The following MFHAS1 variants were observed in gnomAD, a reference collection of about 807,000 sequenced individuals.
The protein encoded by MFHAS1 is malignant fibrous histiocytoma-amplified sequence 1.
Under a neutral mutation model 70.4 loss-of-function variants are expected in MFHAS1, and 50 were observed. That is an observed-to-expected ratio of 0.71 (90% CI 0.57 to 0.90). The LOEUF (loss-of-function observed/expected upper bound fraction) is 0.90. Ranked by LOEUF, MFHAS1 falls within the 40% of genes least tolerant of loss-of-function variation. MFHAS1 has a pLI of 0.00. For missense variants in MFHAS1, 1,795 were observed against 1,347.6 expected (o/e 1.33, Z -5.20); for synonymous variants, 952 against 620.0 (o/e 1.54, Z -7.96).
At chr8:8,818,803 T>C (rs1806839173) in intron 1 of MFHAS1, among the ~76,000 whole-genome samples, 1 of 152,222 alleles carries the variant, frequency 6.6e-6, no homozygotes. Flanking sequence ...TCCTACTTCC[T>C]TCTCTAAAGT....
intron 1 of MFHAS1, among the ~76,000 whole-genome samples, chr8:8,847,799 G>T (rs1189275296): frequency 6.6e-6 from 1 of 152,140 alleles, no homozygotes; most frequent in Admixed American, 6.5e-5. Context: ...CAGACAGCAG[G>T]TGTTTAAAGT....
Position 8,785,737 on chromosome 8 carries a change from CTT to C in MFHAS1, c.*283_*284del, listed in dbSNP as rs36026181. The C allele has an allele frequency of 0.049, 11,126 of 229,038 alleles. 25 individuals are homozygous for C. Among genetic ancestry groups the C allele is most frequent in the East Asian group, 0.14 (1,618 of 11,918 alleles). 14.2% of individuals were successfully genotyped at this position (229,038 alleles called of 1,614,324 possible). A position where few individuals can be genotyped will look rare whatever the true frequency, so the allele number is the denominator to read the frequency against. On this transcript the variant is annotated 3_prime_UTR_variant, in exon 3 of 3. Transcript: ENST00000276282. ...ACAAAATCCCTGAGAAGCCATTCGA[CTT>C]TTTTTTTTTTTTTTTCTTTTCTTCA...
intron 1 of MFHAS1, among the ~76,000 whole-genome samples, chr8:8,848,839 G>T (rs73525731): frequency 0.011 from 1,708 of 152,248 alleles, 38 homozygotes; most frequent in African/African-American, 0.039. Flanking sequence ...CAAACAGTGC[G>T]AAGTCGGTTT....
intron 1 of MFHAS1, among the ~76,000 whole-genome samples, chr8:8,853,240 C>T (rs1808311771): frequency 6.6e-6 from 1 of 151,932 alleles, no homozygotes; most frequent in African/African-American, 2.4e-5. Context: ...CTTAAAATAC[C>T]CCATTTTGTC....
intron 1 of MFHAS1, among the ~76,000 whole-genome samples, chr8:8,834,628 T>G (rs764918971): frequency 6.6e-6 from 1 of 152,226 alleles, no homozygotes; most frequent in African/African-American, 2.4e-5. Flanking sequence ...AGGTGCATAA[T>G]AGGTTGTAAC....
chr8:8,890,161 C>T lies in MFHAS1; in HGVS notation c.2898G>A (p.Leu966=), dbSNP rs756274117. 3 of 1,614,054 alleles carry T rather than the reference C, an allele frequency of 1.9e-6. No individual in the cohort carries two copies. The highest frequency in any genetic ancestry group is 1.7e-6 in the Non-Finnish European group (2 of 1,180,036). The change falls in exon 1 of 3, where the codon CTG becomes CTA. Residue 966 remains leucine, a synonymous_variant. Transcript: ENST00000276282. The part of the protein sequence containing the change: ...WQAITPLVEE[L]NVLLQEWPGL... ...CAGGCCATTCCTGAAGTAGGACATT[C>T]AGTTCCTCCACCAAGGGGGTTATGG...
At chr8:8,849,784 C>T (rs1477099406) in intron 1 of MFHAS1, among the ~76,000 whole-genome samples, 1 of 152,250 alleles carries the variant, frequency 6.6e-6, no homozygotes, top group Non-Finnish European at 1.5e-5. Context: ...CAAAAGTTAT[C>T]TCCTTTCCCT....
Position 8,891,042 on chromosome 8 carries a change from G to C in MFHAS1, c.2017C>G (p.Pro673Ala), listed in dbSNP as rs775501184. The C allele has an allele frequency of 6.2e-6, 10 of 1,613,506 alleles. No individual in the cohort carries two copies. Among genetic ancestry groups the C allele is most frequent in the Middle Eastern group, 1.6e-4 (1 of 6,084 alleles). The stretch of plus-strand genomic sequence containing the variant: ...AGCCACAGTCGCTGGGCCTGAGGTG[G>C]CTGGAAATGCAGTTCCTCCAGCACC... ...WQVLEELHFQ[P>A]PQAQRLWLSW... Residue 673 changes from proline (P) to alanine (A), a missense_variant, in exon 1 of 3, where the codon CCA (proline) becomes GCA (alanine). Pro to Ala is a conservative substitution (Grantham distance 27). Coordinates refer to ENST00000276282, the MANE Select transcript of MFHAS1 (RefSeq NM_004225.3). This position sits in a 1 kb window ranked among gnomAD's most constrained non-coding sequence, Gnocchi z 5.4.
At chr8:8,847,311 A>G (rs1282857078) in intron 1 of MFHAS1, among the ~76,000 whole-genome samples, 1 of 152,134 alleles carries the variant, frequency 6.6e-6, no homozygotes, top group Non-Finnish European at 1.5e-5. Flanking sequence ...TCTCCTGAGT[A>G]GCTGGGATTA....
chr8:8,814,709 T>TA (rs1275364645), intron 1 of MFHAS1, among the ~76,000 whole-genome samples: 4 of 151,900 alleles, frequency 2.6e-5, no homozygotes, highest in African/African-American at 4.8e-5. Context: ...ATAATTTTTT[T>TA]AAATGGGTAA....
At chr8:8,822,459 G>T (rs1425521765) in intron 1 of MFHAS1, among the ~76,000 whole-genome samples, 5 of 151,144 alleles carry the variant, frequency 3.3e-5, no homozygotes, top group Admixed American at 6.6e-5. Flanking sequence ...CAGGGACCAA[G>T]TCAGGGGGGA....
In MFHAS1 at chr8:8,884,526, C is replaced by A. The variant is rs183474226; in HGVS notation, c.2998+5535G>T. On this transcript the variant is annotated intron_variant, in intron 1 of 2. Coordinates refer to ENST00000276282, the MANE Select transcript of MFHAS1 (RefSeq NM_004225.3). ...CAGTGGTCAAAATGAAGGACCCATT[C>A]AAGGGTAAGACCAGTCATAGACGCA... Among the ~76,000 whole-genome samples the A allele has an allele frequency of 4.6e-5, 7 of 152,228 alleles. No individual in the cohort carries two copies. The East Asian group carries it at 1.3e-3, about 29-fold the overall frequency.
intron 1 of MFHAS1, among the ~76,000 whole-genome samples, chr8:8,805,355 G>C (rs1401692593): frequency 6.6e-6 from 1 of 152,188 alleles, no homozygotes; most frequent in Admixed American, 6.5e-5. Context: ...GTAATCAGCT[G>C]ATTAACAGAT....
intron 2 of MFHAS1, among the ~76,000 whole-genome samples, chr8:8,791,520 G>C (rs1312979693): frequency 6.6e-6 from 1 of 152,158 alleles, no homozygotes; most frequent in African/African-American, 2.4e-5. Context: ...TTTAGAAGGA[G>C]AAAGAGAAGC....
intron 1 of MFHAS1, among the ~76,000 whole-genome samples, chr8:8,819,250 C>G (rs1022839884): frequency 2.6e-5 from 4 of 152,114 alleles, no homozygotes; most frequent in African/African-American, 9.7e-5. Context: ...TATATACATG[C>G]AAATATATAT....
At chr8:8,851,419 G>A (rs553360587) in intron 1 of MFHAS1, among the ~76,000 whole-genome samples, 22 of 152,238 alleles carry the variant, frequency 1.4e-4, no homozygotes, top group African/African-American at 5.1e-4. Flanking sequence ...AGAAATGCAT[G>A]GACAGGTTCA....
intron 1 of MFHAS1, among the ~76,000 whole-genome samples, chr8:8,887,250 T>C (rs1484191340): frequency 6.6e-6 from 1 of 152,226 alleles, no homozygotes; most frequent in Non-Finnish European, 1.5e-5. Context: ...TTTTAATGTA[T>C]GCTCTACTTA....
At chr8:8,876,733 G>C (rs189408628) in intron 1 of MFHAS1, among the ~76,000 whole-genome samples, 1 of 151,894 alleles carries the variant, frequency 6.6e-6, no homozygotes, top group East Asian at 1.9e-4. Context: ...GTGTTCATAT[G>C]AACAGAGATC....
intron 1 of MFHAS1, among the ~76,000 whole-genome samples, chr8:8,832,052 G>A (rs1291827311): frequency 0.01 from 366 of 35,742 alleles, 2 homozygotes; most frequent in Middle Eastern, 0.026. Context: ...ACATGCACGC[G>A]CGCGCGCGCG....
Sources: allele counts gnomAD v4.1 joint callset (sites outside exome capture counted in the v4.1 genomes callset), GRCh38; gene constraint gnomAD v4.1.1; non-coding constraint Gnocchi (gnomAD v3.1); transcripts MANE v1.5; gene names NCBI Gene and HGNC (gene_info 2026-07-23, HGNC 2026-07-21).